The following FNDC3B variants were observed in gnomAD, a reference collection of about 807,000 sequenced individuals.
FNDC3B encodes the protein fibronectin type III domain-containing protein 3B.
FNDC3B carries 12 observed loss-of-function variants against 151.5 expected under a neutral mutation model. The observed-to-expected ratio is 0.08, with a 90% confidence interval of 0.05 to 0.13. FNDC3B has a LOEUF of 0.13. Among genes scored for constraint, FNDC3B ranks in the 10% least tolerant of loss-of-function variants. FNDC3B has a pLI of 1.00. For missense variants in FNDC3B, 1,214 were observed against 1,505.3 expected, an observed-to-expected ratio of 0.81 and a Z score of 3.20; for synonymous variants, 528 against 549.0, an observed-to-expected ratio of 0.96 and a Z score of 0.54.
intron 6 of FNDC3B, among the ~76,000 whole-genome samples, chr3:172,280,662 G>T (rs79622281): frequency 0.024 from 3,729 of 152,308 alleles, 87 homozygotes; most frequent in Middle Eastern, 0.068. Context: ...TCTATAGCTA[G>T]TAGCTAAGTG....
At position 172,105,665 on chromosome 3, in the gene FNDC3B, C is replaced by T. The variant is rs529514942; in HGVS notation, c.-28-6787C>T. ...ATGGGGTTTCGCCATGTTGCCCACA[C>T]GGGCCTCGAACTTCGGAGCTCAAGC... On this transcript the variant is annotated intron_variant, in intron 1 of 25. Transcript: ENST00000415807. 1.1e-4 allele frequency among the ~76,000 whole-genome samples: 17 copies of T among 150,240 alleles called. No homozygotes were observed. In the South Asian group the frequency reaches 2.9e-3, roughly 26 times the overall value.
intron 3 of FNDC3B, among the ~76,000 whole-genome samples, chr3:172,170,938 C>T (rs939817297): frequency 1.4e-4 from 21 of 152,202 alleles, no homozygotes; most frequent in African/African-American, 5.1e-4. Flanking sequence ...AATGTCTTCT[C>T]TGTTTACTGT....
At chr3:172,121,083 C>G (rs1056029569) in intron 2 of FNDC3B, among the ~76,000 whole-genome samples, 1 of 152,190 alleles carries the variant, frequency 6.6e-6, no homozygotes, top group Non-Finnish European at 1.5e-5. Context: ...ATGTCCTCTT[C>G]GGTGCCTACT....
chr3:172,248,547 T>C (rs1303486407), intron 5 of FNDC3B, among the ~76,000 whole-genome samples: 1 of 152,130 alleles, frequency 6.6e-6, no homozygotes, highest in Non-Finnish European at 1.5e-5. Context: ...TGCAAAGTGA[T>C]TTTCTTCTGA....
chr3:172,067,959 T>C (rs1717582442), intron 1 of FNDC3B, among the ~76,000 whole-genome samples: 1 of 152,200 alleles, frequency 6.6e-6, no homozygotes, highest in Admixed American at 6.5e-5. Flanking sequence ...CTTCTCCCTC[T>C]GGGCTGTACA....
chr3:172,323,868 GA>G (rs1406661574), intron 11 of FNDC3B, among the ~76,000 whole-genome samples: 12 of 152,180 alleles, frequency 7.9e-5, no homozygotes, highest in Admixed American at 7.9e-4. Context: ...AAAAGTGAGT[GA>G]GGATGAGGAT....
intron 1 of FNDC3B, among the ~76,000 whole-genome samples, chr3:172,071,848 A>G (rs1046346111): frequency 6.6e-6 from 1 of 152,092 alleles, no homozygotes; most frequent in African/African-American, 2.4e-5. Context: ...TCTCATTACC[A>G]TGGTCTTACG....
intron 23 of FNDC3B, among the ~76,000 whole-genome samples, chr3:172,374,634 C>T (rs2108361855): frequency 6.6e-6 from 1 of 152,232 alleles, no homozygotes; most frequent in South Asian, 2.1e-4. Context: ...ACCTTGTGAT[C>T]CGCCCGCCTC....
chr3:172,381,824 T>G (rs1186457797), intron 25 of FNDC3B, among the ~76,000 whole-genome samples: 1 of 152,226 alleles, frequency 6.6e-6, no homozygotes, highest in Non-Finnish European at 1.5e-5. Flanking sequence ...GGCTGCACAG[T>G]ATTCCATGGT....
At chr3:172,138,892 T>C (rs1306225132) in intron 3 of FNDC3B, among the ~76,000 whole-genome samples, 1 of 152,242 alleles carries the variant, frequency 6.6e-6, no homozygotes, top group African/African-American at 2.4e-5. Flanking sequence ...GCTATTCGAA[T>C]GTGAAACTTT....
At chr3:172,334,553 C>T (rs925676808) in intron 14 of FNDC3B, among the ~76,000 whole-genome samples, 2 of 152,178 alleles carry the variant, frequency 1.3e-5, no homozygotes, top group African/African-American at 4.8e-5. Flanking sequence ...AGGGATTCTC[C>T]TGCCTCAGCC....
intron 3 of FNDC3B, among the ~76,000 whole-genome samples, chr3:172,212,928 C>T (rs907383516): frequency 1.3e-5 from 2 of 152,060 alleles, no homozygotes; most frequent in Admixed American, 6.5e-5. Flanking sequence ...TCACAGATCT[C>T]TTAATGTATC....
chr3:172,268,801 C>T (rs1009404551), intron 6 of FNDC3B, among the ~76,000 whole-genome samples: 4 of 152,210 alleles, frequency 2.6e-5, no homozygotes, highest in Non-Finnish European at 4.4e-5. Context: ...TACCCATGCT[C>T]ATGATCCTTT....
At chr3:172,305,462 G>A (rs1168856611) in intron 9 of FNDC3B, among the ~76,000 whole-genome samples, 1 of 152,158 alleles carries the variant, frequency 6.6e-6, no homozygotes, top group African/African-American at 2.4e-5. Flanking sequence ...CTGCATCCGT[G>A]TTGTGTTGCT....
intron 3 of FNDC3B, among the ~76,000 whole-genome samples, chr3:172,185,070 T>C (rs1724100322): frequency 6.6e-6 from 1 of 152,212 alleles, no homozygotes; most frequent in South Asian, 2.1e-4. Context: ...ATGAAAGCCA[T>C]TGCTATTTGC....
intron 2 of FNDC3B, among the ~76,000 whole-genome samples, chr3:172,113,566 ATGTT>A (rs1483145991): frequency 6.6e-6 from 1 of 152,190 alleles, no homozygotes; most frequent in African/African-American, 2.4e-5. Context: ...TGCTCAGTAA[ATGTT>A]TGTTAGTTGA....
Position 172,327,848 on chromosome 3 carries a change from G to A in FNDC3B, c.1255-1104G>A, listed in dbSNP as rs77872143. On this transcript the variant is annotated intron_variant, in intron 11 of 25. Transcript: ENST00000415807. The stretch of plus-strand genomic sequence containing the variant: ...GAAGGAGATGCTTAAATTTGTTTAC[G>A]TAAAAAATGTGCTTGCTTTGTTTTT... 3.7e-3 allele frequency among the ~76,000 whole-genome samples: 569 copies of A among 152,334 alleles called. 12 individuals are homozygous for A. The South Asian group carries it at 0.059, about 16-fold the overall frequency.
Position 172,333,183 on chromosome 3 carries a change from A to G in FNDC3B, c.1641+8A>G, listed in dbSNP as rs1295708906. On this transcript the variant is annotated splice_region_variant and intron_variant, in intron 14 of 25. Transcript: ENST00000415807. Reference sequence around the variant, plus strand: ...ACACAGTATAAATTCAGGGTGAGTCAGTCATTTTGCTACCTGAACTGCTTA... The same window carrying G: ...ACACAGTATAAATTCAGGGTGAGTCGGTCATTTTGCTACCTGAACTGCTTA... 2 of 1,562,238 alleles carry G rather than the reference A, an allele frequency of 1.3e-6. No homozygotes were observed. Among genetic ancestry groups the G allele is most frequent in the Admixed American group, 1.7e-5 (1 of 59,860 alleles).
intron 4 of FNDC3B, among the ~76,000 whole-genome samples, chr3:172,233,453 A>T (rs1323119745): frequency 6.6e-6 from 1 of 152,222 alleles, no homozygotes; most frequent in African/African-American, 2.4e-5. Flanking sequence ...CAAGAAATGT[A>T]TTGAAAAATA....
Sources: allele counts gnomAD v4.1 joint callset (sites outside exome capture counted in the v4.1 genomes callset), GRCh38; gene constraint gnomAD v4.1.1; transcripts MANE v1.5; gene names NCBI Gene and HGNC (gene_info 2026-07-23, HGNC 2026-07-21).